SLC24A4: variants seen among roughly 807,000 people sequenced by gnomAD.
The protein encoded by SLC24A4 is solute carrier family 24 member 4.
Under a neutral mutation model 79.0 loss-of-function variants are expected in SLC24A4, and 53 were observed. That is an observed-to-expected ratio of 0.67 (90% CI 0.54 to 0.84). The LOEUF (loss-of-function observed/expected upper bound fraction) is 0.84, where lower values mean the gene tolerates loss of function less well. SLC24A4 is among the 40% of genes least tolerant of loss of function. The probability of loss-of-function intolerance (pLI) is 0.00; values close to 1 mark genes in which losing one functional copy is unlikely to be tolerated. For missense variants in SLC24A4, 731 were observed against 822.0 expected (o/e 0.89, Z 1.35); for synonymous variants, 323 against 323.8 (o/e 1.00, Z 0.03).
chr14:92,470,129 G>T (rs2402150), intron 12 of SLC24A4, among the ~76,000 whole-genome samples: 2 of 152,278 alleles, frequency 1.3e-5, no homozygotes. Context: ...GTGGTCCTAG[G>T]ACTGTCAGCA....
chr14:92,394,912 C>T (rs368922479), intron 2 of SLC24A4, among the ~76,000 whole-genome samples: 3 of 152,136 alleles, frequency 2.0e-5, no homozygotes, highest in Non-Finnish European at 2.9e-5. Context: ...CTTCCCAGCA[C>T]GTTTCCCACC....
At chr14:92,351,434 A>G (rs1257850037) in intron 2 of SLC24A4, among the ~76,000 whole-genome samples, 1 of 152,210 alleles carries the variant, frequency 6.6e-6, no homozygotes, top group Non-Finnish European at 1.5e-5. Flanking sequence ...GCTTGTGAAT[A>G]GAACTCAACA....
At chr14:92,404,187 G>A (rs1213915247) in intron 2 of SLC24A4, among the ~76,000 whole-genome samples, 3 of 152,142 alleles carry the variant, frequency 2.0e-5, no homozygotes, top group African/African-American at 7.2e-5. Flanking sequence ...GGCATCTGTC[G>A]CTATGATCTA....
chr14:92,396,642 A>G (rs1889796124), intron 2 of SLC24A4, among the ~76,000 whole-genome samples: 1 of 152,200 alleles, frequency 6.6e-6, no homozygotes, highest in South Asian at 2.1e-4. Flanking sequence ...CTTTGCCGCA[A>G]CAGTTTACTT....
intron 12 of SLC24A4, among the ~76,000 whole-genome samples, chr14:92,458,212 A>C (rs34755576): frequency 0.39 from 58,655 of 151,984 alleles, 11,508 homozygotes; most frequent in Middle Eastern, 0.47. Context: ...GGCTGGGTTC[A>C]GAATTGCTGG....
chr14:92,456,457 C>T lies in SLC24A4; in HGVS notation c.1104C>T (p.Asn368=), dbSNP rs758731941. ...ANGVSSKPLQ[N]GRHENIENGN... is the part of the protein sequence containing the mutation. Reference sequence around the variant, plus strand: ...GTGTGAGCAGTAAGCCGCTTCAAAACGGGAGGCACGAGAACATTGAGAACG... The same window carrying T: ...GTGTGAGCAGTAAGCCGCTTCAAAATGGGAGGCACGAGAACATTGAGAACG... The change falls in exon 12 of 17, where the codon AAC becomes AAT. Residue 368 remains asparagine (N), a synonymous_variant. Transcript: ENST00000532405. The T allele has an allele frequency of 8.1e-6, 13 of 1,614,100 alleles. No homozygotes were observed. Among genetic ancestry groups the T allele is most frequent in the Middle Eastern group, 1.6e-4 (1 of 6,084 alleles).
intron 12 of SLC24A4, among the ~76,000 whole-genome samples, chr14:92,460,299 A>G (rs1485141796): frequency 6.6e-6 from 1 of 151,908 alleles, no homozygotes; most frequent in African/African-American, 2.4e-5. Context: ...GACGGCACCT[A>G]CCTCCCAGGA....
At chr14:92,492,342 T>G in intron 16 of SLC24A4, 102 bp downstream of exon 16, 9 of 1,127,626 alleles carry the variant, frequency 8.0e-6, no homozygotes, top group Non-Finnish European at 1.2e-5. Context: ...TCACTTCCCT[T>G]GGTAGTGAAG....
At chr14:92,351,236 G>GCACACA (rs1555360939) in intron 2 of SLC24A4, among the ~76,000 whole-genome samples, 1 of 146,986 alleles carries the variant, frequency 6.8e-6, no homozygotes. Flanking sequence ...ACACATACAC[G>GCACACA]CACACACACA....
At chr14:92,390,239 C>T (rs996801848) in intron 2 of SLC24A4, among the ~76,000 whole-genome samples, 3 of 151,956 alleles carry the variant, frequency 2.0e-5, no homozygotes, top group African/African-American at 7.3e-5. Flanking sequence ...CTTTCTCCCT[C>T]GCAAAGGGAG....
At chr14:92,380,751 C>T (rs1412311440) in intron 2 of SLC24A4, among the ~76,000 whole-genome samples, 3 of 152,196 alleles carry the variant, frequency 2.0e-5, no homozygotes, top group Admixed American at 6.5e-5. Context: ...CCTCTGTGCC[C>T]CATGGCATGG....
At chr14:92,489,872 C>T (rs1895585393) in intron 14 of SLC24A4, among the ~76,000 whole-genome samples, 3 of 152,212 alleles carry the variant, frequency 2.0e-5, no homozygotes, top group Non-Finnish European at 2.9e-5. Context: ...TGCCTCTTCA[C>T]CAGGTGCAAC....
At chr14:92,376,119 C>T (rs887463596) in intron 2 of SLC24A4, among the ~76,000 whole-genome samples, 2 of 135,302 alleles carry the variant, frequency 1.5e-5, no homozygotes, top group Non-Finnish European at 3.1e-5. Flanking sequence ...TCTGCAAGTG[C>T]GTGTTCCAAC....
In SLC24A4 at chr14:92,323,733, A is replaced by G. The variant is rs12883151; in HGVS notation, c.-98A>G. On this transcript the variant is annotated 5_prime_UTR_variant, in exon 1 of 17. Transcript: ENST00000532405. This position sits in a 1 kb window ranked among gnomAD's most constrained non-coding sequence, Gnocchi z 4.9. The stretch of plus-strand genomic sequence containing the variant: ...GGAGCTCCTCGCCTCTGAGTCGCGC[A>G]CCGCCTGCTCCAGCCCCAGCGCCGC... The G allele has an allele frequency of 0.42, 600,312 of 1,425,626 alleles. 133,486 individuals carry two copies. Among genetic ancestry groups the G allele is most frequent in the East Asian group, 0.56 (22,001 of 39,200 alleles). 88.3% of individuals were successfully genotyped at this position (1,425,626 alleles called of 1,614,324 possible).
At chr14:92,463,521 C>T (rs1214018652) in intron 12 of SLC24A4, among the ~76,000 whole-genome samples, 7 of 152,266 alleles carry the variant, frequency 4.6e-5, no homozygotes, top group South Asian at 4.2e-4. Context: ...ATTGCACATT[C>T]GGTTGACTGT....
chr14:92,328,149 C>T (rs1566687590), intron 2 of SLC24A4, among the ~76,000 whole-genome samples: 1 of 152,184 alleles, frequency 6.6e-6, no homozygotes, highest in Non-Finnish European at 1.5e-5. Flanking sequence ...GGCTCTCAGG[C>T]CAGGTGGGGT....
At chr14:92,488,303 C>G (rs985202339) in intron 14 of SLC24A4, among the ~76,000 whole-genome samples, 1 of 152,094 alleles carries the variant, frequency 6.6e-6, no homozygotes, top group Non-Finnish European at 1.5e-5. Context: ...AACTCCTGAC[C>G]TCAAGTGATC....
rs536047823 is a variant in SLC24A4, at chr14:92,335,769, A to G, written c.241+9791A>G. ...AAATCTTCTGTGGAGCAAGACTTTT[A>G]ATTCAGGTGGTCTGAATTGTGATTC... On this transcript the variant is annotated intron_variant, in intron 2 of 16. Coordinates refer to ENST00000532405, the MANE Select transcript of SLC24A4 (RefSeq NM_153646.4). Among the ~76,000 whole-genome samples, 3 of 152,326 alleles carry G rather than the reference A, an allele frequency of 2.0e-5. No individual in the cohort carries two copies. In the South Asian group the frequency reaches 6.2e-4, roughly 32 times the overall value.
chr14:92,333,594 C>G (rs1885603748), intron 2 of SLC24A4, among the ~76,000 whole-genome samples: 1 of 152,166 alleles, frequency 6.6e-6, no homozygotes, highest in Admixed American at 6.5e-5. Context: ...AATACATCTT[C>G]TGAGATGCCT....
Sources: allele counts gnomAD v4.1 joint callset (sites outside exome capture counted in the v4.1 genomes callset), GRCh38; gene constraint gnomAD v4.1.1; non-coding constraint Gnocchi (gnomAD v3.1); transcripts MANE v1.5; gene names NCBI Gene and HGNC (gene_info 2026-07-23, HGNC 2026-07-21).